The following ACSS3 variants were observed in gnomAD, a reference collection of about 807,000 sequenced individuals.
ACSS3 encodes acyl-CoA synthetase short-chain family member 3, mitochondrial.
Under a neutral mutation model 84.2 loss-of-function variants are expected in ACSS3, and 64 were observed. The observed-to-expected ratio is 0.76, with a 90% CI of 0.62 to 0.94. The LOEUF (loss-of-function observed/expected upper bound fraction) is 0.94, where lower values mean the gene tolerates loss of function less well. Ranked by LOEUF, ACSS3 falls within the 40% of genes least tolerant of loss-of-function variation. ACSS3 has a pLI of 0.00. For synonymous variants in ACSS3, 317 were observed against 310.1 expected, an observed-to-expected ratio of 1.02 and a Z score of -0.23; for missense variants, 815 against 867.6, an observed-to-expected ratio of 0.94 and a Z score of 0.76.
chr12:81,253,141 A>G (rs2034203928), intron 13 of ACSS3, among the ~76,000 whole-genome samples, 166 bp from the exon 14 acceptor site: 1 of 152,178 alleles, frequency 6.6e-6, no homozygotes, highest in Non-Finnish European at 1.5e-5. Flanking sequence ...ATTACTTATG[A>G]ATTTTCAATA....
chr12:81,164,271 A>G (rs1334064373), intron 7 of ACSS3, among the ~76,000 whole-genome samples: 1 of 152,186 alleles, frequency 6.6e-6, no homozygotes, highest in Non-Finnish European at 1.5e-5. Context: ...TGCTGTACAG[A>G]TATGTAGCCT....
intron 8 of ACSS3, among the ~76,000 whole-genome samples, chr12:81,183,281 C>T (rs1352730531): frequency 6.6e-6 from 1 of 151,944 alleles, no homozygotes; most frequent in Non-Finnish European, 1.5e-5. Context: ...TTTATGTAAA[C>T]CTCATGGCAA....
rs146939949 is a variant in ACSS3 at position 81,236,692 on chromosome 12, T to A, written c.1719+3221T>A. On this transcript the variant is annotated intron_variant, in intron 13 of 15. Coordinates refer to ENST00000548058, the MANE Select transcript of ACSS3 (RefSeq NM_024560.4). ...ATTATTCTTTTTGATTCTTCTCTTTTTCATTCTCTTATTTCATTCTCCCCC... is the reference window on the plus strand; with the variant it reads ...ATTATTCTTTTTGATTCTTCTCTTTATCATTCTCTTATTTCATTCTCCCCC... 5.4e-4 allele frequency among the ~76,000 whole-genome samples: 82 copies of A among 151,544 alleles called. 1 individual carries two copies. In the East Asian group the frequency reaches 0.015, roughly 27 times the overall value.
chr12:81,148,815 A>C (rs1328301286), intron 5 of ACSS3, among the ~76,000 whole-genome samples: 1 of 149,150 alleles, frequency 6.7e-6, no homozygotes, highest in Admixed American at 6.9e-5. Flanking sequence ...TAATCCCAGC[A>C]CTTTGGAAGG....
intron 10 of ACSS3, among the ~76,000 whole-genome samples, chr12:81,217,473 C>A (rs1005468720): frequency 1.3e-5 from 2 of 152,144 alleles, no homozygotes; most frequent in African/African-American, 4.8e-5. Context: ...TCAAAAGCTG[C>A]AGTTTCTTAC....
At chr12:81,194,005 T>C (rs1185982407) in intron 8 of ACSS3, among the ~76,000 whole-genome samples, 2 of 151,884 alleles carry the variant, frequency 1.3e-5, no homozygotes, top group Admixed American at 6.5e-5. Flanking sequence ...TAGGCATTTA[T>C]TCCTTTGTAT....
chr12:81,190,480 T>C (rs2031509014), intron 8 of ACSS3, among the ~76,000 whole-genome samples: 1 of 152,084 alleles, frequency 6.6e-6, no homozygotes, highest in African/African-American at 2.4e-5. Context: ...AGCTCTTCCC[T>C]AGGTCACTTA....
intron 8 of ACSS3, among the ~76,000 whole-genome samples, chr12:81,191,311 A>G (rs532387318): frequency 5.3e-5 from 8 of 152,198 alleles, no homozygotes; most frequent in African/African-American, 1.4e-4. Context: ...AAAATCTTCT[A>G]TGCTCCACCT....
intron 1 of ACSS3, among the ~76,000 whole-genome samples, chr12:81,106,512 A>G (rs1883012752): frequency 1.3e-5 from 2 of 152,182 alleles, no homozygotes; most frequent in African/African-American, 4.8e-5. Flanking sequence ...CGCTTGAATC[A>G]TCCTGAAACC....
chr12:81,090,645 A>T (rs1017124941), intron 1 of ACSS3, among the ~76,000 whole-genome samples: 5 of 152,032 alleles, frequency 3.3e-5, no homozygotes, highest in Admixed American at 2.0e-4. Context: ...AAGAGTTTGA[A>T]GTTTTGTCAT....
chr12:81,112,447 A>G (rs1313158634), intron 2 of ACSS3, among the ~76,000 whole-genome samples: 1 of 152,196 alleles, frequency 6.6e-6, no homozygotes, highest in East Asian at 1.9e-4. Context: ...AATTATACAC[A>G]TATGTTTTGC....
intron 8 of ACSS3, among the ~76,000 whole-genome samples, chr12:81,189,619 T>A (rs2031462607): frequency 1.3e-5 from 2 of 152,134 alleles, no homozygotes; most frequent in African/African-American, 4.8e-5. Flanking sequence ...CTGACTTATA[T>A]GTATTATAAA....
At chr12:81,161,337 C>T (rs1208707178) in intron 7 of ACSS3, among the ~76,000 whole-genome samples, 3 of 152,046 alleles carry the variant, frequency 2.0e-5, no homozygotes, top group South Asian at 4.2e-4. Context: ...GGTGGTCTCT[C>T]CCCTTGTAGA....
intron 13 of ACSS3, among the ~76,000 whole-genome samples, chr12:81,235,475 G>A (rs2033602970): frequency 6.6e-6 from 1 of 150,956 alleles, no homozygotes; most frequent in Non-Finnish European, 1.5e-5. Flanking sequence ...AGTTCCTTTA[G>A]GTATTCCACA....
chr12:81,165,441 C>T (rs141501261), intron 7 of ACSS3, among the ~76,000 whole-genome samples: 3,351 of 152,160 alleles, frequency 0.022, 79 homozygotes, highest in South Asian at 0.11. Flanking sequence ...GTCAGGAGAT[C>T]GAGACCATCC....
rs781304583 is a variant in ACSS3, at chr12:81,199,431, T to C, written c.1341T>C (p.His447=). The C allele has an allele frequency of 9.9e-6, 16 of 1,612,656 alleles. No individual in the cohort carries two copies. In the South Asian group the frequency reaches 1.5e-4, roughly 16 times the overall value. ...TCTTCAGAGTACCTGTCTTAGACCA[T>C]TGGTGGCAAACTGGTAAGCATTTTC... is the stretch of plus-strand genomic sequence containing the variant. ...KNVFRVPVLD[H]WWQTETGSPI... The change falls in exon 9 of 16, where the codon CAT becomes CAC. Residue 447 remains histidine (H), a synonymous_variant. Coordinates refer to ENST00000548058, the MANE Select transcript of ACSS3 (RefSeq NM_024560.4).
At chr12:81,149,356 T>A (rs1886500437) in intron 5 of ACSS3, among the ~76,000 whole-genome samples, 1 of 152,176 alleles carries the variant, frequency 6.6e-6, no homozygotes, top group Non-Finnish European at 1.5e-5. Flanking sequence ...AAAATGTGAT[T>A]ATAAACAGGA....
intron 2 of ACSS3, among the ~76,000 whole-genome samples, chr12:81,118,228 C>A (rs544656173): frequency 6.6e-6 from 1 of 152,080 alleles, no homozygotes; most frequent in Admixed American, 6.6e-5. Flanking sequence ...AAAATAAGGA[C>A]GTGCAGTAAA....
rs2034366518 is a variant in ACSS3 at position 81,257,848 on chromosome 12, G to C, written c.*2926G>C. Reference sequence around the variant, plus strand: ...AACATATTTTATGCTTCTTTTTTGAGGGAAATACCTGGATCTTTTGCATCA... The same window carrying C: ...AACATATTTTATGCTTCTTTTTTGACGGAAATACCTGGATCTTTTGCATCA... On this transcript the variant is annotated 3_prime_UTR_variant, in exon 16 of 16. Transcript: ENST00000548058. 6.6e-6 allele frequency: 1 copy of C among 151,870 alleles called. No homozygotes were observed. Among genetic ancestry groups the C allele is most frequent in the Non-Finnish European group, 1.5e-5 (1 of 67,938 alleles). 9.4% of individuals were successfully genotyped at this position (151,870 alleles called of 1,614,324 possible).
Sources: gnomAD v4.1 joint callset for allele counts (sites outside exome capture counted in the v4.1 genomes callset) on GRCh38, gnomAD v4.1.1 for gene constraint, MANE v1.5 for transcripts, NCBI Gene and HGNC (gene_info 2026-07-23, HGNC 2026-07-21) for gene names.